CACNG5: variants seen among roughly 807,000 people sequenced by gnomAD.
CACNG5 encodes voltage-dependent calcium channel gamma-5 subunit.
CACNG5 carries 18 observed loss-of-function variants against 24.8 expected under a neutral mutation model. That is an observed-to-expected ratio of 0.73 (90% confidence interval 0.50 to 1.08). The LOEUF is 1.08. Ranked by LOEUF, CACNG5 falls within the 50% of genes least tolerant of loss-of-function variation. CACNG5 has a pLI of 0.00. For synonymous variants in CACNG5, 157 were observed against 149.1 expected, an observed-to-expected ratio of 1.05 and a Z score of -0.39; for missense variants, 349 against 367.9, an observed-to-expected ratio of 0.95 and a Z score of 0.42.
intron 4 of CACNG5, among the ~76,000 whole-genome samples, chr17:66,883,628 A>C (rs72843368): frequency 0.056 from 8,576 of 152,238 alleles, 274 homozygotes; most frequent in Middle Eastern, 0.099. Context: ...AGTTTGCCAA[A>C]ATCTGGACAA....
At chr17:66,866,287 T>A (rs935757094) in intron 1 of CACNG5, among the ~76,000 whole-genome samples, 21 of 151,924 alleles carry the variant, frequency 1.4e-4, no homozygotes, top group Non-Finnish European at 2.9e-4. Context: ...CTTTTTAAAA[T>A]TTTTTTTGGC....
chr17:66,842,510 C>T (rs1326387766), intron 1 of CACNG5, among the ~76,000 whole-genome samples: 2 of 152,196 alleles, frequency 1.3e-5, no homozygotes, highest in Non-Finnish European at 2.9e-5. Flanking sequence ...AGCCTGTAGG[C>T]TCCTTCTGTT....
At chr17:66,865,784 C>A (rs1976920232) in intron 1 of CACNG5, among the ~76,000 whole-genome samples, 2 of 150,448 alleles carry the variant, frequency 1.3e-5, no homozygotes, top group African/African-American at 4.9e-5. Context: ...CGCCCACCAC[C>A]ATGCACGGCT....
chr17:66,877,182 G>C, intron 1 of CACNG5, 48 bp from the exon 2 acceptor site: 1 of 634,244 alleles, frequency 1.6e-6, no homozygotes, highest in Non-Finnish European at 2.7e-6. Flanking sequence ...CATTGAGCCA[G>C]GTTGGGGTTT....
chr17:66,838,715 C>T (rs961361932), intron 1 of CACNG5, among the ~76,000 whole-genome samples: 3 of 152,056 alleles, frequency 2.0e-5, no homozygotes, highest in Non-Finnish European at 4.4e-5. Flanking sequence ...ATAATAATAA[C>T]GATGACAACA....
Position 66,893,479 on chromosome 17 carries a change from A to G in CACNG5, c.*8239A>G, listed in dbSNP as rs1977371746. Among the ~76,000 whole-genome samples, 1 of 152,220 alleles carries G rather than the reference A, an allele frequency of 6.6e-6. No homozygotes were observed. The highest frequency in any genetic ancestry group is 6.5e-5 in the Admixed American group (1 of 15,280). ...ACCTCGCCACACTCTTGTTCTGGATAAATTGAAGCAACTGGAGAAAGACTC... is the reference window on the plus strand; with the variant it reads ...ACCTCGCCACACTCTTGTTCTGGATGAATTGAAGCAACTGGAGAAAGACTC... On this transcript the variant is annotated 3_prime_UTR_variant, in exon 6 of 6. Coordinates refer to ENST00000533854, the MANE Select transcript of CACNG5 (RefSeq NM_145811.3).
Position 66,888,668 on chromosome 17 carries a change from C to T in CACNG5, c.*3428C>T, listed in dbSNP as rs115019889. Among the ~76,000 whole-genome samples, 518 of 151,816 alleles carry T rather than the reference C, an allele frequency of 3.4e-3. 5 individuals carry two copies. The highest frequency in any genetic ancestry group is 0.012 in the African/African-American group (489 of 41,382). On this transcript the variant is annotated 3_prime_UTR_variant, in exon 6 of 6. Transcript: ENST00000533854. Reference sequence around the variant, plus strand: ...AGAGGGGCTTCTGGACGATTTCAGTCAGGAGCACTCTCTCTTACAGACCAA... The same window carrying T: ...AGAGGGGCTTCTGGACGATTTCAGTTAGGAGCACTCTCTCTTACAGACCAA...
intron 1 of CACNG5, among the ~76,000 whole-genome samples, chr17:66,868,853 C>A (rs7213186): frequency 0.71 from 107,349 of 152,040 alleles, 38,145 homozygotes; most frequent in East Asian, 0.91. Flanking sequence ...AGAAAAAACT[C>A]AAATCTCTCC....
chr17:66,870,401 G>T (rs928699983), intron 1 of CACNG5, among the ~76,000 whole-genome samples: 2 of 152,178 alleles, frequency 1.3e-5, no homozygotes, highest in Non-Finnish European at 2.9e-5. Context: ...ACCAGAGGTG[G>T]TTTTCCCCTC....
rs573048835 is a variant in CACNG5 at position 66,877,219 on chromosome 17, C to T, written c.-103-11C>T. The T allele has an allele frequency of 2.7e-5, 22 of 822,658 alleles. No homozygotes were observed. The highest frequency in any genetic ancestry group is 5.3e-5 in the Admixed American group (2 of 38,022). The allele number at this position is 822,658 out of a possible 1,614,324, so 51.0% of individuals were successfully genotyped here. On this transcript the variant is annotated splice_polypyrimidine_tract_variant and intron_variant, in intron 1 of 5. Coordinates refer to ENST00000533854, the MANE Select transcript of CACNG5 (RefSeq NM_145811.3). ...ACTTTAGTTACTGGCTCCTCATCTT[C>T]GTCTTCTCAGAGCCGTGGGTACTGC... is the stretch of plus-strand genomic sequence containing the variant.
intron 1 of CACNG5, among the ~76,000 whole-genome samples, chr17:66,835,787 A>G (rs1196619820): frequency 6.6e-6 from 1 of 152,000 alleles, no homozygotes; most frequent in African/African-American, 2.4e-5. Flanking sequence ...TGTCCCTGCC[A>G]GGAGCCACTG....
intron 1 of CACNG5, among the ~76,000 whole-genome samples, chr17:66,846,536 T>C (rs970291263): frequency 3.3e-5 from 5 of 152,194 alleles, no homozygotes; most frequent in African/African-American, 1.2e-4. Context: ...GTTTTCAAGG[T>C]TCATTCATGT....
rs778028258 is a variant in CACNG5, at chr17:66,877,312, G to A, written c.-21G>A. On this transcript the variant is annotated 5_prime_UTR_variant, in exon 2 of 6. Transcript: ENST00000533854. ...GCTGGTGGGAGCGTGGCGACTAGTT[G>A]CACAGCAACGGTCCAGGAAGATGAG... 6.2e-7 allele frequency: 1 copy of A among 1,607,298 alleles called. No homozygotes were observed. Among genetic ancestry groups the A allele is most frequent in the Non-Finnish European group, 8.5e-7 (1 of 1,175,214 alleles).
rs115724018 is a variant in CACNG5 at position 66,888,090 on chromosome 17, A to T, written c.*2850A>T. Among the ~76,000 whole-genome samples, 1 of 152,056 alleles carries T rather than the reference A, an allele frequency of 6.6e-6. No individual in the cohort carries two copies. Among genetic ancestry groups the T allele is most frequent in the African/African-American group, 2.4e-5 (1 of 41,394 alleles). On this transcript the variant is annotated 3_prime_UTR_variant, in exon 6 of 6. Transcript: ENST00000533854. ...GGGTAGACTAATAAACCCAAGTGTC[A>T]TGATTTATGGAATAAAATAACTTGG...
At chr17:66,838,451 A>G (rs1044472426) in intron 1 of CACNG5, among the ~76,000 whole-genome samples, 2 of 151,422 alleles carry the variant, frequency 1.3e-5, no homozygotes, top group Admixed American at 6.6e-5. Flanking sequence ...GTCCCTGCTC[A>G]CGGCAGCCCA....
Position 66,891,798 on chromosome 17 carries a change from G to T in CACNG5, c.*6558G>T, listed in dbSNP as rs928122958. On this transcript the variant is annotated 3_prime_UTR_variant, in exon 6 of 6. Transcript: ENST00000533854. Reference sequence around the variant, plus strand: ...GGTAGCAACCACCTTTGAGAAACACGATCTGCTGTACCATGACTGGCTTTG... The same window carrying T: ...GGTAGCAACCACCTTTGAGAAACACTATCTGCTGTACCATGACTGGCTTTG... Among the ~76,000 whole-genome samples, 4 of 152,158 alleles carry T rather than the reference G, an allele frequency of 2.6e-5. No homozygotes were observed. The highest frequency in any genetic ancestry group is 4.8e-5 in the African/African-American group (2 of 41,436).
intron 2 of CACNG5, among the ~76,000 whole-genome samples, chr17:66,878,072 C>T (rs570308632): frequency 2.0e-5 from 3 of 152,348 alleles, no homozygotes; most frequent in South Asian, 4.1e-4. Context: ...TGAGCAGGTC[C>T]CTCCAGCTCT....
chr17:66,843,768 C>T (rs1231398114), intron 1 of CACNG5, among the ~76,000 whole-genome samples: 1 of 152,096 alleles, frequency 6.6e-6, no homozygotes, highest in Non-Finnish European at 1.5e-5. Flanking sequence ...GGGTGCTGCT[C>T]CTATCTGGAA....
chr17:66,857,711 G>A (rs1312063937), intron 1 of CACNG5, among the ~76,000 whole-genome samples: 1 of 152,206 alleles, frequency 6.6e-6, no homozygotes, highest in Non-Finnish European at 1.5e-5. Context: ...GTCCAGATTA[G>A]ACCAAAATCA....
Sources: gnomAD v4.1 joint callset for allele counts (sites outside exome capture counted in the v4.1 genomes callset) on GRCh38, gnomAD v4.1.1 for gene constraint, MANE v1.5 for transcripts, NCBI Gene and HGNC (gene_info 2026-07-23, HGNC 2026-07-21) for gene names.